The following KCNN3 variants were observed in gnomAD, a reference collection of about 807,000 sequenced individuals.
KCNN3 encodes the protein potassium calcium-activated channel subfamily N member 3.
Under a neutral mutation model 62.9 loss-of-function variants are expected in KCNN3, and 16 were observed. That is an observed-to-expected ratio of 0.25 (90% CI 0.17 to 0.39). The LOEUF is 0.39. Ranked by LOEUF, KCNN3 falls within the 10% of genes least tolerant of loss-of-function variation. KCNN3 has a pLI of 1.00. For missense variants in KCNN3, 599 were observed against 949.4 expected (o/e 0.63, Z 4.85); for synonymous variants, 370 against 389.2 (o/e 0.95, Z 0.58).
intron 2 of KCNN3, among the ~76,000 whole-genome samples, chr1:154,780,968 G>A (rs150971084): frequency 4.9e-4 from 74 of 152,224 alleles, no homozygotes; most frequent in African/African-American, 7.2e-4. Context: ...ACGCTACCCC[G>A]CTCTGTGTCT....
intron 1 of KCNN3, among the ~76,000 whole-genome samples, chr1:154,860,722 A>G (rs1183671295): frequency 6.6e-6 from 1 of 152,172 alleles, no homozygotes; most frequent in Non-Finnish European, 1.5e-5. Flanking sequence ...CAGACAGTGG[A>G]GGGGTGACAT....
intron 1 of KCNN3, among the ~76,000 whole-genome samples, chr1:154,834,235 C>T (rs537431370): frequency 2.0e-5 from 3 of 152,216 alleles, no homozygotes; most frequent in South Asian, 4.1e-4. Flanking sequence ...GGGCACGACA[C>T]GAGCCCCACT....
At chr1:154,757,538 A>G (rs1019725173) in intron 3 of KCNN3, among the ~76,000 whole-genome samples, 3 of 152,202 alleles carry the variant, frequency 2.0e-5, no homozygotes, top group African/African-American at 7.2e-5. Flanking sequence ...TGCCCAATCT[A>G]AACAGAGATG....
At position 154,869,933 on chromosome 1, in the gene KCNN3, C is replaced by A; in HGVS notation, c.32G>T (p.Gly11Val). Residue 11 changes from glycine (G) to valine (V), a missense_variant, in exon 1 of 8, where the codon GGG (glycine) becomes GTG (valine). By Grantham distance (109) the Gly-to-Val change is moderately radical. This residue lies in a region of KCNN3 where 59 missense variants were observed against 62.4 expected (regional missense o/e 0.95). Transcript: ENST00000271915. This position sits in a 1 kb window ranked among gnomAD's most constrained non-coding sequence, Gnocchi z 6.1. ...GGGGTCTTCATCCAAGTCCCCCACC[C>A]CCGAGTCATGGAAGTGCCCAGAAGT... The part of the protein sequence containing the change: MDTSGHFHDS[G>V]VGDLDEDPKC... 1 of 1,611,220 alleles carries A rather than the reference C, an allele frequency of 6.2e-7. No homozygotes were observed. Among genetic ancestry groups the A allele is most frequent in the Non-Finnish European group, 8.5e-7 (1 of 1,178,838 alleles).
chr1:154,765,399 TGA>T (rs1648213026), intron 3 of KCNN3, among the ~76,000 whole-genome samples: 1 of 152,248 alleles, frequency 6.6e-6, no homozygotes, highest in Non-Finnish European at 1.5e-5. Flanking sequence ...TTCTGCATTC[TGA>T]GAGAGCTTTA....
chr1:154,750,895 G>T (rs1647346522), intron 3 of KCNN3, among the ~76,000 whole-genome samples: 1 of 152,216 alleles, frequency 6.6e-6, no homozygotes, highest in African/African-American at 2.4e-5. Flanking sequence ...GGTGAGAGCA[G>T]CCCTGGACAC....
At chr1:154,771,553 C>T (rs1030664795) in intron 3 of KCNN3, among the ~76,000 whole-genome samples, 7 of 152,110 alleles carry the variant, frequency 4.6e-5, no homozygotes. Context: ...AAAGGATTTG[C>T]AGGCAAATAC....
At chr1:154,709,165 T>C (rs1700024517) in intron 7 of KCNN3, among the ~76,000 whole-genome samples, 1 of 152,176 alleles carries the variant, frequency 6.6e-6, no homozygotes, top group Non-Finnish European at 1.5e-5. Context: ...CAACATCCTG[T>C]GGCCCCCTTG....
At chr1:154,727,806 C>T (rs1700502203) in intron 4 of KCNN3, among the ~76,000 whole-genome samples, 1 of 152,190 alleles carries the variant, frequency 6.6e-6, no homozygotes, top group Non-Finnish European at 1.5e-5. Flanking sequence ...TTAAAAGAAG[C>T]CATCCTAGAG....
intron 3 of KCNN3, among the ~76,000 whole-genome samples, chr1:154,742,278 C>T (rs949466315): frequency 5.3e-5 from 8 of 152,210 alleles, no homozygotes; most frequent in Non-Finnish European, 7.3e-5. Context: ...GTCTCCCACA[C>T]GTGGCATCAG....
intron 3 of KCNN3, among the ~76,000 whole-genome samples, chr1:154,764,516 C>T (rs953054957): frequency 5.9e-5 from 9 of 152,136 alleles, no homozygotes; most frequent in Admixed American, 2.0e-4. Context: ...TTGTTATACT[C>T]ATAAAATTTT....
At chr1:154,825,170 A>G (rs1438133960) in intron 1 of KCNN3, among the ~76,000 whole-genome samples, 2 of 152,180 alleles carry the variant, frequency 1.3e-5, no homozygotes, top group Non-Finnish European at 2.9e-5. Flanking sequence ...CATACATCCC[A>G]GGATAGGGTA....
In KCNN3 at chr1:154,792,943, T is replaced by C. The variant is rs1021885213; in HGVS notation, c.1030-20550A>G. Among the ~76,000 whole-genome samples, 4 of 152,292 alleles carry C rather than the reference T, an allele frequency of 2.6e-5. No individual in the cohort carries two copies. In the South Asian group the frequency reaches 8.3e-4, roughly 32 times the overall value. On this transcript the variant is annotated intron_variant, in intron 2 of 7. Transcript: ENST00000271915. ...GGTCTCAGGCAACTTCTAGTGTGTATTTCCCCACCCTTTTCATTTCCCAGC... is the reference window on the plus strand; with the variant it reads ...GGTCTCAGGCAACTTCTAGTGTGTACTTCCCCACCCTTTTCATTTCCCAGC...
At chr1:154,745,307 C>T (rs894752830) in intron 3 of KCNN3, among the ~76,000 whole-genome samples, 15 of 152,228 alleles carry the variant, frequency 9.9e-5, no homozygotes. Context: ...CACAATGGCT[C>T]CAACAAACAA....
At chr1:154,720,563 A>G (rs1700324547) in intron 5 of KCNN3, among the ~76,000 whole-genome samples, 1 of 146,368 alleles carries the variant, frequency 6.8e-6, no homozygotes, top group East Asian at 2.0e-4. Context: ...TCTTTGAATT[A>G]GCCTGCTGAA....
At chr1:154,846,024 G>A (rs987360951) in intron 1 of KCNN3, among the ~76,000 whole-genome samples, 3 of 152,106 alleles carry the variant, frequency 2.0e-5, no homozygotes, top group Admixed American at 6.5e-5. Flanking sequence ...GCAGCCTGCC[G>A]GTCCAAAACA....
At chr1:154,806,598 C>G (rs113649204) in intron 2 of KCNN3, among the ~76,000 whole-genome samples, 11 of 152,258 alleles carry the variant, frequency 7.2e-5, no homozygotes, top group Non-Finnish European at 1.5e-4. Flanking sequence ...ATTTTCTTTT[C>G]ATAAAGGCCT....
At chr1:154,736,347 C>T (rs1363210698) in intron 3 of KCNN3, among the ~76,000 whole-genome samples, 3 of 152,182 alleles carry the variant, frequency 2.0e-5, no homozygotes, top group Non-Finnish European at 2.9e-5. Flanking sequence ...TGGATTTACA[C>T]GTGCAGTGGA....
intron 3 of KCNN3, among the ~76,000 whole-genome samples, chr1:154,738,373 A>G: frequency 6.6e-6 from 1 of 152,338 alleles, no homozygotes; most frequent in African/African-American, 2.4e-5. Flanking sequence ...AGAATTCCAA[A>G]CCAGAGACCA....
Sources: gnomAD v4.1 joint callset for allele counts (sites outside exome capture counted in the v4.1 genomes callset) on GRCh38, gnomAD v4.1.1 for gene constraint, gnomAD v4.1.1 regional missense constraint, Gnocchi (gnomAD v3.1) non-coding constraint, MANE v1.5 for transcripts, NCBI Gene and HGNC (gene_info 2026-07-23, HGNC 2026-07-21) for gene names.